CFAP47: variants seen among roughly 807,000 people sequenced by gnomAD.
The protein encoded by CFAP47 is cilia and flagella associated protein 47, also known as cilia- and flagella-associated protein 47.
CFAP47 carries 29 observed loss-of-function variants against 148.1 expected under a neutral mutation model. The observed-to-expected ratio is 0.20, with a 90% confidence interval of 0.15 to 0.27. The LOEUF is 0.27. Ranked by LOEUF, CFAP47 falls within the 10% of genes least tolerant of loss-of-function variation. The pLI is 1.00. For synonymous variants in CFAP47, 664 were observed against 577.3 expected, an observed-to-expected ratio of 1.15 and a Z score of -2.15; for missense variants, 1,872 against 1,697.5, an observed-to-expected ratio of 1.10 and a Z score of -1.81.
Position 36,305,043 on chromosome X carries a change from C to T in CFAP47, c.8082+1083C>T, listed in dbSNP as rs782113719. Among the ~76,000 whole-genome samples the T allele has an allele frequency of 2.3e-4, 26 of 111,627 alleles. No individual in the cohort carries two copies. The Admixed American group carries it at 2.4e-3, about 10-fold the overall frequency. On this transcript the variant is annotated intron_variant, in intron 54 of 63. Transcript: ENST00000378653. ...AAGGCTTTTACTATTTGTTGTTTAA[C>T]GATTGTTTAACAAATCTACACTTTG...
intron 42 of CFAP47, among the ~76,000 whole-genome samples, chrX:36,192,978 T>C (rs1439905429): frequency 1.8e-5 from 2 of 111,932 alleles, no homozygotes; most frequent in African/African-American, 6.5e-5. Context: ...TGTTGATTTA[T>C]GGCCTATAAT....
chrX:36,019,817 C>A (rs1266835045), intron 22 of CFAP47, among the ~76,000 whole-genome samples: 1 of 111,595 alleles, frequency 9.0e-6, no homozygotes, highest in African/African-American at 3.3e-5. Context: ...TTATTTGGAT[C>A]TTCTCTCTTG....
intron 45 of CFAP47, among the ~76,000 whole-genome samples, chrX:36,222,793 T>C (rs1177573735): frequency 9.0e-6 from 1 of 110,986 alleles, no homozygotes; most frequent in Non-Finnish European, 1.9e-5. Context: ...CAGATACTCA[T>C]GTACATGCCT....
At chrX:36,144,595 C>A (rs1939200102) in intron 35 of CFAP47, 1 of 1,025,554 alleles carries the variant, frequency 9.8e-7, no homozygotes, top group Non-Finnish European at 1.3e-6. Flanking sequence ...GAGATGGATG[C>A]AGGAGTCAGT....
chrX:36,279,579 A>G (rs782469815), intron 49 of CFAP47, among the ~76,000 whole-genome samples: 19 of 112,264 alleles, frequency 1.7e-4, no homozygotes, highest in African/African-American at 5.5e-4. Flanking sequence ...GAGGTCAGGG[A>G]CCATTTCTGA....
rs941329797 is a variant in CFAP47 at position 36,204,987 on chromosome X, A to T, written c.6694A>T (p.Arg2232Trp). The change falls in exon 45 of 64, where the codon AGG becomes TGG. Residue 2232 changes from arginine (R) to tryptophan (W), a missense_variant. Arg to Trp is a moderately radical substitution (Grantham distance 101, BLOSUM62 -3). Transcript: ENST00000378653. The stretch of plus-strand genomic sequence containing the variant: ...TATGCTCTTTCGTATCTCAAAGTTG[A>T]GGAAGCCTAAGACCGTTTCATACAC... ...TLMLFRISKL[R>W]KPKTVSYTTE... 1.7e-5 allele frequency: 5 copies of T among 297,321 alleles called. No homozygotes were observed. The highest frequency in any genetic ancestry group is 2.9e-5 in the Non-Finnish European group (5 of 169,996). The allele number at this position is 297,321 out of a possible 1,213,427, so 24.5% of individuals were successfully genotyped here.
chrX:36,073,235 T>C lies in CFAP47; in HGVS notation c.4562T>C (p.Leu1521Pro), dbSNP rs763235309. The C allele has an allele frequency of 1.7e-6, 2 of 1,209,346 alleles. No individual in the cohort carries two copies. Among genetic ancestry groups the C allele is most frequent in the South Asian group, 3.5e-5 (2 of 56,925 alleles). ...SLEKEKYEQF[L>P]SLEEGTKAHY... ...GAAAAGGAAAAATATGAACAATTCC[T>C]TTCTCTTGAGGAAGGAACAAAGGCA... The change falls in exon 29 of 64, where the codon CTT (leucine) becomes CCT (proline). Residue 1521 changes from leucine (L) to proline (P), a missense_variant. Transcript: ENST00000378653.
intron 21 of CFAP47, among the ~76,000 whole-genome samples, chrX:36,011,716 A>G (rs1937040191): frequency 8.9e-6 from 1 of 111,869 alleles, no homozygotes; most frequent in African/African-American, 3.2e-5. Context: ...AAAACCAGGT[A>G]TCTTTGTTTA....
At chrX:36,250,286 T>C (rs1416113672) in intron 48 of CFAP47, among the ~76,000 whole-genome samples, 1 of 111,303 alleles carries the variant, frequency 9.0e-6, no homozygotes, top group Non-Finnish European at 1.9e-5. Context: ...GAAGCCATTA[T>C]GTTGAGTGAA....
chrX:35,952,591 C>G (rs1167904603), intron 6 of CFAP47, among the ~76,000 whole-genome samples: 1 of 111,743 alleles, frequency 8.9e-6, no homozygotes, highest in African/African-American at 3.3e-5. Flanking sequence ...AGAATATTTT[C>G]CCTTGTTTGT....
chrX:36,265,620 G>A (rs1407097501), intron 49 of CFAP47, among the ~76,000 whole-genome samples: 1 of 111,864 alleles, frequency 8.9e-6, no homozygotes, highest in East Asian at 2.8e-4. Context: ...GTGAAGTGAT[G>A]ATAAATTTTA....
At position 35,925,007 on chromosome X, in the gene CFAP47, CA is replaced by C. The variant is rs1935714599; in HGVS notation, c.250-1007del. Among the ~76,000 whole-genome samples the C allele has an allele frequency of 7.2e-5, 8 of 111,276 alleles. No individual in the cohort carries two copies. The South Asian group carries it at 2.7e-3, about 37-fold the overall frequency. On this transcript the variant is annotated intron_variant, in intron 1 of 63. Coordinates refer to ENST00000378653, the MANE Select transcript of CFAP47 (RefSeq NM_001304548.2). ...AAGGAAAAATGTTGGTCAAAGGGTA[CA>C]AAGTTTCAGTTAAACAGGAAGAATG... is the stretch of plus-strand genomic sequence containing the variant.
intron 37 of CFAP47, among the ~76,000 whole-genome samples, chrX:36,149,523 C>G (rs1432304071): frequency 9.1e-6 from 1 of 109,954 alleles, no homozygotes; most frequent in African/African-American, 3.3e-5. Context: ...CTGTTTCCTG[C>G]AGGAAACTGA....
chrX:36,160,469 A>G (rs957669730), intron 38 of CFAP47, among the ~76,000 whole-genome samples: 4 of 111,698 alleles, frequency 3.6e-5, no homozygotes, highest in African/African-American at 1.3e-4. Context: ...ATTAGATAAT[A>G]AAAACAAAAT....
chrX:35,973,220 C>G (rs978425837), intron 13 of CFAP47, among the ~76,000 whole-genome samples: 1 of 111,336 alleles, frequency 9.0e-6, no homozygotes. Flanking sequence ...GACGGAGTCT[C>G]GCTCTGTCGC....
intron 26 of CFAP47, among the ~76,000 whole-genome samples, chrX:36,061,253 C>T (rs1222713378): frequency 2.7e-5 from 3 of 111,744 alleles, no homozygotes; most frequent in Non-Finnish European, 3.8e-5. Flanking sequence ...CAGGCATGCC[C>T]TCCTGTACAG....
intron 50 of CFAP47, among the ~76,000 whole-genome samples, 158 bp downstream of exon 50, chrX:36,280,788 G>A (rs1941070746): frequency 8.9e-6 from 1 of 111,851 alleles, no homozygotes; most frequent in Non-Finnish European, 1.9e-5. Flanking sequence ...ACTATATGTA[G>A]CATATATTCT....
Position 35,975,813 on chromosome X carries a change from G to T in CFAP47, c.2613G>T (p.Gly871=). 2 of 1,210,269 alleles carry T rather than the reference G, an allele frequency of 1.7e-6. No homozygotes were observed. The highest frequency in any genetic ancestry group is 3.5e-5 in the South Asian group (2 of 56,918). ...RGFFMKTCFR[G]TVRLYNRQNC... is the part of the protein sequence containing the mutation. ...TCTTCATGAAAACATGTTTTCGGGG[G>T]ACAGTTAGATTGTATAATCGTCAGA... Residue 871 remains glycine (G), a synonymous_variant, in exon 15 of 64, where the codon GGG becomes GGT. Coordinates refer to ENST00000378653, the MANE Select transcript of CFAP47 (RefSeq NM_001304548.2).
intron 15 of CFAP47, among the ~76,000 whole-genome samples, chrX:35,987,773 C>T (rs182313962): frequency 9.0e-6 from 1 of 111,642 alleles, no homozygotes; most frequent in East Asian, 2.8e-4. Flanking sequence ...CTGTGGGTTG[C>T]GAATACCATG....
Sources: allele counts gnomAD v4.1 joint callset (sites outside exome capture counted in the v4.1 genomes callset), GRCh38; gene constraint gnomAD v4.1.1; transcripts MANE v1.5; gene names NCBI Gene and HGNC (gene_info 2026-07-23, HGNC 2026-07-21).